The following KCNIP1 variants were observed in gnomAD, a reference collection of about 807,000 sequenced individuals.
The protein encoded by KCNIP1 is potassium voltage-gated channel interacting protein 1.
A neutral mutation model predicts 33.0 loss-of-function variants in KCNIP1; 18 were observed. That is an observed-to-expected ratio of 0.55 (90% CI 0.38 to 0.81). The LOEUF is 0.81. Ranked by LOEUF, KCNIP1 falls within the 30% of genes least tolerant of loss-of-function variation. The probability of loss-of-function intolerance (pLI) is 0.00; values close to 1 mark genes in which losing one functional copy is unlikely to be tolerated. For synonymous variants in KCNIP1, 93 were observed against 98.3 expected, an observed-to-expected ratio of 0.95 and a Z score of 0.32; for missense variants, 238 against 271.6, an observed-to-expected ratio of 0.88 and a Z score of 0.87.
chr5:170,588,479 A>G (rs1281969221), intron 1 of KCNIP1, among the ~76,000 whole-genome samples: 2 of 152,192 alleles, frequency 1.3e-5, no homozygotes, highest in African/African-American at 4.8e-5. Flanking sequence ...AACAGAAGCG[A>G]GCAGCAGCTT....
Position 170,718,891 on chromosome 5 carries a change from C to A in KCNIP1, c.186+9C>A, listed in dbSNP as rs752941135. On this transcript the variant is annotated intron_variant, in intron 2 of 7. Coordinates refer to ENST00000328939, the MANE Select transcript of KCNIP1 (RefSeq NM_014592.4). The stretch of plus-strand genomic sequence containing the variant: ...ATCGAGGCTTCAAAAATGTAAGACC[C>A]GTGCACGCTCTGAAGGCCTGGGGGG... The A allele has an allele frequency of 5.1e-5, 82 of 1,605,464 alleles. No individual in the cohort carries two copies. Among genetic ancestry groups the A allele is most frequent in the Non-Finnish European group, 6.5e-5 (77 of 1,177,618 alleles).
chr5:170,392,548 C>T (rs971195857), intron 1 of KCNIP1, among the ~76,000 whole-genome samples: 5 of 152,174 alleles, frequency 3.3e-5, no homozygotes, highest in Non-Finnish European at 7.3e-5. Context: ...CTAGGTAGGG[C>T]ATGGTGGCTC....
chr5:170,675,848 G>A (rs1235458124), intron 1 of KCNIP1, among the ~76,000 whole-genome samples: 2 of 152,062 alleles, frequency 1.3e-5, no homozygotes, highest in Admixed American at 6.5e-5. Context: ...GCATAGTATT[G>A]TTTCAACAAA....
chr5:170,477,297 G>GTATATATATATACACATATATATTACA (rs1756877613), intron 1 of KCNIP1, among the ~76,000 whole-genome samples: 1 of 150,020 alleles, frequency 6.7e-6, no homozygotes, highest in East Asian at 1.9e-4. Context: ...GGATGTGTGT[G>GTATATATATATACACATATATATTACA]TATATATATA....
intron 1 of KCNIP1, chr5:170,483,011 G>C (rs561329263): frequency 2.3e-6 from 1 of 443,758 alleles, no homozygotes; most frequent in African/African-American, 2.0e-5. Flanking sequence ...TTAAATTAAA[G>C]TATGAGGTGG....
intron 1 of KCNIP1, among the ~76,000 whole-genome samples, chr5:170,612,533 G>A (rs370066268): frequency 4.6e-5 from 7 of 152,274 alleles, no homozygotes; most frequent in East Asian, 1.9e-4. Flanking sequence ...TCTTCTGCCC[G>A]CAGGCTGAAG....
intron 1 of KCNIP1, chr5:170,378,621 A>C: frequency 7.1e-7 from 1 of 1,405,264 alleles, no homozygotes; most frequent in Non-Finnish European, 9.7e-7. Flanking sequence ...TGGAGAAGGC[A>C]TTGTGCTGCA....
rs529202817 is a variant in KCNIP1 at position 170,492,770 on chromosome 5, T to TTTA, written c.88+138809_88+138811dup. On this transcript the variant is annotated intron_variant, in intron 1 of 7. Transcript: ENST00000377360. ...AAATATCTATCTATTTATTTATTTA[T>TTTA]TTATTTATTTTTTGAGACGGAGTCT... is the stretch of plus-strand genomic sequence containing the variant. Among the ~76,000 whole-genome samples the TTTA allele has an allele frequency of 6.1e-3, 921 of 152,088 alleles. 10 individuals are homozygous for TTTA. The highest frequency in any genetic ancestry group is 0.02 in the African/African-American group (844 of 41,474).
chr5:170,462,264 C>CAAAAAAAAAAAAAAAAAAAAAAAAACAAA (rs760686464), intron 1 of KCNIP1, among the ~76,000 whole-genome samples: 1 of 52,048 alleles, frequency 1.9e-5, no homozygotes, highest in Non-Finnish European at 3.5e-5. Flanking sequence ...AACAAATTAG[C>CAAAAAAAAAAAAAAAAAAAAAAAAACAAA]AAAAAAAAAA....
chr5:170,650,742 T>A (rs987507064), intron 1 of KCNIP1, among the ~76,000 whole-genome samples: 3 of 152,186 alleles, frequency 2.0e-5, no homozygotes, highest in Non-Finnish European at 2.9e-5. Context: ...AAATTGCGAA[T>A]TTAGGATTTT....
chr5:170,407,240 C>T (rs1755059925), intron 1 of KCNIP1, among the ~76,000 whole-genome samples: 1 of 152,144 alleles, frequency 6.6e-6, no homozygotes, highest in Non-Finnish European at 1.5e-5. Flanking sequence ...GTTAAGGACC[C>T]CAGGGCTGGG....
chr5:170,373,601 T>C (rs1581120399), intron 1 of KCNIP1, among the ~76,000 whole-genome samples: 1 of 152,258 alleles, frequency 6.6e-6, no homozygotes, highest in Non-Finnish European at 1.5e-5. Flanking sequence ...ACATATTTTT[T>C]TGAAAAACAA....
chr5:170,622,765 C>A (rs2113647265), intron 1 of KCNIP1, among the ~76,000 whole-genome samples: 1 of 152,256 alleles, frequency 6.6e-6, no homozygotes, highest in Middle Eastern at 3.4e-3. Context: ...AAGGGTTTTC[C>A]TAGAGCCTTT....
chr5:170,435,193 C>T (rs1431798523), intron 1 of KCNIP1, among the ~76,000 whole-genome samples: 1 of 152,356 alleles, frequency 6.6e-6, no homozygotes, highest in Non-Finnish European at 1.5e-5. Flanking sequence ...GCAGCACAGG[C>T]CACAGGCTGG....
chr5:170,393,347 C>A (rs1284005461), intron 1 of KCNIP1, among the ~76,000 whole-genome samples: 1 of 152,200 alleles, frequency 6.6e-6, no homozygotes, highest in Non-Finnish European at 1.5e-5. Flanking sequence ...TCCCATAAAT[C>A]AAATTGGCAA....
chr5:170,521,766 G>A (rs1755371811), intron 1 of KCNIP1, among the ~76,000 whole-genome samples: 2 of 152,206 alleles, frequency 1.3e-5, no homozygotes, highest in Admixed American at 1.3e-4. Context: ...GCCTAGGCTA[G>A]AGCAATTATA....
At chr5:170,721,992 C>A in intron 4 of KCNIP1, 89 bp downstream of exon 4, 1 of 1,429,484 alleles carries the variant, frequency 7.0e-7, no homozygotes, top group Non-Finnish European at 9.7e-7. Flanking sequence ...AAGGTCTGGA[C>A]CATCAAAAGC....
chr5:170,433,124 T>C (rs1755780911), intron 1 of KCNIP1, among the ~76,000 whole-genome samples: 1 of 152,190 alleles, frequency 6.6e-6, no homozygotes, highest in African/African-American at 2.4e-5. Flanking sequence ...CGTGACCTGA[T>C]ACAGTCCCAG....
intron 1 of KCNIP1, among the ~76,000 whole-genome samples, chr5:170,631,010 G>A (rs1441125246): frequency 1.3e-5 from 2 of 152,188 alleles, no homozygotes; most frequent in African/African-American, 4.8e-5. Context: ...ATAAGGGTAC[G>A]AGGCTTGAGT....
Sources: allele counts gnomAD v4.1 joint callset (sites outside exome capture counted in the v4.1 genomes callset), GRCh38; gene constraint gnomAD v4.1.1; transcripts MANE v1.5; gene names NCBI Gene and HGNC (gene_info 2026-07-23, HGNC 2026-07-21).